The following CMTR1 variants were observed in gnomAD, a reference collection of about 807,000 sequenced individuals.
CMTR1 encodes cap-specific mRNA (nucleoside-2'-O-)-methyltransferase 1.
In CMTR1, 39 loss-of-function variants were observed where a neutral mutation model predicts 107.0. That is an observed-to-expected ratio of 0.36 (90% CI 0.28 to 0.48). CMTR1 has a LOEUF of 0.48. Among genes scored for constraint, CMTR1 ranks in the 20% least tolerant of loss-of-function variants. The probability of loss-of-function intolerance (pLI) is 0.99; values close to 1 mark genes in which losing one functional copy is unlikely to be tolerated. For missense variants in CMTR1, 672 were observed against 1,064.9 expected (o/e 0.63, Z 5.14); for synonymous variants, 366 against 379.5 (o/e 0.96, Z 0.41).
At chr6:37,432,920 T>A (rs1300029125), upstream of CMTR1, among the ~76,000 whole-genome samples, 1 of 152,268 alleles carries the variant, frequency 6.6e-6, no homozygotes, top group African/African-American at 2.4e-5. Context: ...TCTACCTCTC[T>A]GAACTTGTTC....
chr6:37,444,089 C>G lies in CMTR1; in HGVS notation c.224C>G (p.Ser75Cys), dbSNP rs1401086707. Residue 75 changes from serine to cysteine, a missense_variant, in exon 3 of 24, where the codon TCT becomes TGT. Physicochemically the swap from Ser to Cys is moderately radical, Grantham distance 112. Transcript: ENST00000373451. ...DSFDDAFKAD[S>C]LVEGTSSRYS... ...TTTGACGATGCATTCAAAGCAGACT[C>G]TCTTGTGGAAGGAACTTCTTCTCGC... 4 of 1,614,174 alleles carry G rather than the reference C, an allele frequency of 2.5e-6. No homozygotes were observed. The highest frequency in any genetic ancestry group is 3.4e-6 in the Non-Finnish European group (4 of 1,180,022).
intron 13 of CMTR1, among the ~76,000 whole-genome samples, chr6:37,466,368 T>C (rs932850747): frequency 3.3e-5 from 5 of 152,096 alleles, no homozygotes; most frequent in Admixed American, 3.3e-4. Context: ...TCTCTTGACT[T>C]CGTGATCCTC....
rs1212259475 is a variant in CMTR1, at chr6:37,481,310, G to T, written c.*1165G>T. ...CCCTAGGGCCCCATCCCAGTGCCAG[G>T]CTGGTTTCCATGGAGATAGGGCACT... On this transcript the variant is annotated 3_prime_UTR_variant, in exon 24 of 24. Transcript: ENST00000373451. 4 of 1,211,596 alleles carry T rather than the reference G, an allele frequency of 3.3e-6. No individual in the cohort carries two copies. Among genetic ancestry groups the T allele is most frequent in the Non-Finnish European group, 4.2e-6 (4 of 952,876 alleles). The allele number at this position is 1,211,596 out of a possible 1,614,324, so 75.1% of individuals were successfully genotyped here. A position where few individuals can be genotyped will look rare whatever the true frequency, so the allele number is the denominator to read the frequency against.
intron 2 of CMTR1, 130 bp downstream of exon 2, chr6:37,435,892 G>C: frequency 1.1e-6 from 1 of 879,584 alleles, no homozygotes; most frequent in Non-Finnish European, 1.6e-6. Flanking sequence ...ATACTCTACA[G>C]AGAGATGTTG....
intron 1 of CMTR1, among the ~76,000 whole-genome samples, chr6:37,433,810 T>A (rs1275312088): frequency 5.9e-5 from 9 of 152,222 alleles, no homozygotes; most frequent in African/African-American, 2.2e-4. Context: ...TGTGGGTCAC[T>A]TGAGCAGGGC....
At position 37,453,120 on chromosome 6, in the gene CMTR1, G is replaced by A. The variant is rs140898368; in HGVS notation, c.683G>A (p.Arg228Gln). The change falls in exon 7 of 24, where the codon CGA becomes CAA. Residue 228 changes from arginine to glutamine, a missense_variant. Physicochemically the swap from Arg to Gln is conservative, Grantham distance 43. This residue lies in a region of CMTR1 where 583 missense variants were observed against 968.4 expected (regional missense o/e 0.60). Coordinates refer to ENST00000373451, the MANE Select transcript of CMTR1 (RefSeq NM_015050.3). ...CGGGCCAATCCCTATGAGATGATCC[G>A]AGGAGTCTTCTTTCTAAACAGGTTT... ...RTRANPYEMI[R>Q]GVFFLNRAAM... 3.7e-6 allele frequency: 6 copies of A among 1,614,030 alleles called. No homozygotes were observed. Among genetic ancestry groups the A allele is most frequent in the Middle Eastern group, 1.6e-4 (1 of 6,084 alleles).
chr6:37,475,719 T>A (rs982096055), intron 19 of CMTR1: 1 of 509,180 alleles, frequency 2.0e-6, no homozygotes, highest in Non-Finnish European at 3.6e-6. Flanking sequence ...GTAGAGGGGG[T>A]ACTCCTTGGA....
Position 37,475,429 on chromosome 6 carries a change from A to C in CMTR1, c.2036+17A>C, listed in dbSNP as rs575378034. 2.4e-3 allele frequency: 2,203 copies of C among 903,710 alleles called. No homozygotes were observed. The highest frequency in any genetic ancestry group is 3.5e-3 in the Non-Finnish European group (2,013 of 580,410). The allele number at this position is 903,710 out of a possible 1,614,324, so 56.0% of individuals were successfully genotyped here. A position where few individuals can be genotyped will look rare whatever the true frequency, so the allele number is the denominator to read the frequency against. Reference sequence around the variant, plus strand: ...TAACCAGCGGTCTGACCTGGGCCCCAGGGTAGGGAGGGTGGGGGTAGGCCA... The same window carrying C: ...TAACCAGCGGTCTGACCTGGGCCCCCGGGTAGGGAGGGTGGGGGTAGGCCA... On this transcript the variant is annotated intron_variant, in intron 19 of 23. Transcript: ENST00000373451.
In CMTR1 at chr6:37,473,453, C is replaced by CT. The variant is rs748584692; in HGVS notation, c.1690-16dup. ...TTCCCCCAACCCGGCAGTGTTTTCTCTGACTCGTGGCTGCAGGGCACTGAG... is the reference window on the plus strand; with the variant it reads ...TTCCCCCAACCCGGCAGTGTTTTCTCTTGACTCGTGGCTGCAGGGCACTGAG... On this transcript the variant is annotated splice_polypyrimidine_tract_variant and intron_variant, in intron 16 of 23. Transcript: ENST00000373451. 383 of 1,609,752 alleles carry CT rather than the reference C, an allele frequency of 2.4e-4. No homozygotes were observed. Among genetic ancestry groups the CT allele is most frequent in the Non-Finnish European group, 3.2e-4 (375 of 1,177,612 alleles).
chr6:37,472,042 A>T lies in CMTR1; in HGVS notation c.1620+138A>T, dbSNP rs896892904. The T allele has an allele frequency of 1.3e-6, 1 of 770,146 alleles. No homozygotes were observed. The highest frequency in any genetic ancestry group is 1.7e-5 in the African/African-American group (1 of 57,166). 47.7% of individuals were successfully genotyped at this position (770,146 alleles called of 1,614,324 possible). The stretch of plus-strand genomic sequence containing the variant: ...TACCCTCACAGCATCCCAGAGGTTG[A>T]CATCTCGGCATTGTTGGTAGTTACG... On this transcript the variant is annotated intron_variant, in intron 15 of 23. Coordinates refer to ENST00000373451, the MANE Select transcript of CMTR1 (RefSeq NM_015050.3). This position sits in a 1 kb window ranked among gnomAD's most constrained non-coding sequence, Gnocchi z 4.1.
Position 37,480,851 on chromosome 6 carries a change from G to C in CMTR1, c.*706G>C, listed in dbSNP as rs1019723526. 4.2e-6 allele frequency: 5 copies of C among 1,184,600 alleles called. No homozygotes were observed. In the African/African-American group the frequency reaches 8.0e-5, roughly 19 times the overall value. 73.4% of individuals were successfully genotyped at this position (1,184,600 alleles called of 1,614,324 possible). A position where few individuals can be genotyped will look rare whatever the true frequency, so the allele number is the denominator to read the frequency against. ...GAGCCCTCTTTTCGTACTGAGTATG[G>C]AGTTGTAGAGCCATCCTAGGTGCCA... On this transcript the variant is annotated 3_prime_UTR_variant, in exon 24 of 24. Transcript: ENST00000373451.
intron 13 of CMTR1, among the ~76,000 whole-genome samples, chr6:37,467,331 T>C (rs1400700963): frequency 3.3e-5 from 5 of 152,254 alleles, no homozygotes; most frequent in Non-Finnish European, 7.3e-5. Flanking sequence ...TTTCAAGATA[T>C]CTATTAGATT....
intron 6 of CMTR1, 69 bp from the exon 7 acceptor site, chr6:37,452,978 G>A (rs1761216345): frequency 7.4e-7 from 1 of 1,356,306 alleles, no homozygotes; most frequent in Non-Finnish European, 1.1e-6. Context: ...CTGTGAGTTG[G>A]GCACTGCAGG....
rs1206524434 is a variant in CMTR1, at chr6:37,458,079, G to A, written c.778-533G>A. On this transcript the variant is annotated intron_variant, in intron 8 of 23. Coordinates refer to ENST00000373451, the MANE Select transcript of CMTR1 (RefSeq NM_015050.3). This position sits in a 1 kb window ranked among gnomAD's most constrained non-coding sequence, Gnocchi z 4.7. Reference sequence around the variant, plus strand: ...GTTTTTTGTTGTTTTTGTTGAGACAGGGTCTCGGTCTGTCGCCCAGGCTCA... The same window carrying A: ...GTTTTTTGTTGTTTTTGTTGAGACAAGGTCTCGGTCTGTCGCCCAGGCTCA... 6.6e-6 allele frequency among the ~76,000 whole-genome samples: 1 copy of A among 152,194 alleles called. No homozygotes were observed. Among genetic ancestry groups the A allele is most frequent in the African/African-American group, 2.4e-5 (1 of 41,442 alleles).
chr6:37,435,897 A>T (rs1455078263), intron 2 of CMTR1, 135 bp downstream of exon 2: 1 of 836,232 alleles, frequency 1.2e-6, no homozygotes, highest in African/African-American at 1.8e-5. Context: ...CTACAGAGAG[A>T]TGTTGGCTAT....
intron 8 of CMTR1, among the ~76,000 whole-genome samples, chr6:37,454,690 G>T (rs1761254370): frequency 6.6e-6 from 1 of 152,184 alleles, no homozygotes; most frequent in Non-Finnish European, 1.5e-5. Context: ...AGGCAGCCGT[G>T]TTTGTAATGC....
At chr6:37,471,784 T>A in intron 14 of CMTR1, 63 bp from the exon 15 acceptor site, 1 of 1,454,134 alleles carries the variant, frequency 6.9e-7, no homozygotes, top group Non-Finnish European at 9.6e-7. Context: ...ATATGAGGGG[T>A]GCACAGGGGG....
At position 37,472,410 on chromosome 6, in the gene CMTR1, T is replaced by C. The variant is rs112353319; in HGVS notation, c.1621-9T>C. 1,623 of 1,614,128 alleles carry C rather than the reference T, an allele frequency of 1.0e-3. 18 individuals carry two copies. In the African/African-American group the frequency reaches 0.019, roughly 19 times the overall value. On this transcript the variant is annotated splice_polypyrimidine_tract_variant and intron_variant, in intron 15 of 23. Coordinates refer to ENST00000373451, the MANE Select transcript of CMTR1 (RefSeq NM_015050.3). The surrounding 1 kb of genome is among the most constrained non-coding windows in gnomAD (Gnocchi z 4.1). Reference sequence around the variant, plus strand: ...TTGAAAGTCAAAGCTCTTTGCTGTCTTATTTCAGATCCCAGACCAGGCTCG... The same window carrying C: ...TTGAAAGTCAAAGCTCTTTGCTGTCCTATTTCAGATCCCAGACCAGGCTCG...
chr6:37,469,821 C>T (rs1427303053), intron 13 of CMTR1, among the ~76,000 whole-genome samples: 2 of 151,958 alleles, frequency 1.3e-5, no homozygotes, highest in Admixed American at 1.3e-4. Flanking sequence ...AGCCACCGCA[C>T]CTGGCCTAAT....
Sources: gnomAD v4.1 joint callset for allele counts (sites outside exome capture counted in the v4.1 genomes callset) on GRCh38, gnomAD v4.1.1 for gene constraint, gnomAD v4.1.1 regional missense constraint, Gnocchi (gnomAD v3.1) non-coding constraint, MANE v1.5 for transcripts, NCBI Gene and HGNC (gene_info 2026-07-23, HGNC 2026-07-21) for gene names.